CTC1: variants seen among roughly 807,000 people sequenced by gnomAD.
CTC1 encodes the protein CST telomere replication complex component 1.
Under a neutral mutation model 136.3 loss-of-function variants are expected in CTC1, and 91 were observed. The ratio of observed to expected loss-of-function variants is 0.67; its 90% CI spans 0.56 to 0.79. The LOEUF (loss-of-function observed/expected upper bound fraction) is 0.79. Ranked by LOEUF, CTC1 falls within the 30% of genes least tolerant of loss-of-function variation. The pLI, the probability that CTC1 is intolerant of heterozygous loss-of-function variation, is 0.00. For synonymous variants in CTC1, 606 were observed against 613.8 expected, an observed-to-expected ratio of 0.99 and a Z score of 0.19; for missense variants, 1,432 against 1,498.1, an observed-to-expected ratio of 0.96 and a Z score of 0.73.
rs780572571 is a variant in CTC1, at chr17:8,229,906, G to A, written c.2996C>T (p.Pro999Leu). Residue 999 changes from proline (P) to leucine (L), a missense_variant, in exon 18 of 23, where the codon CCT becomes CTT. Pro to Leu is a moderately conservative substitution (Grantham distance 98). Coordinates refer to ENST00000651323, the MANE Select transcript of CTC1 (RefSeq NM_025099.6). ...GGGCACTGACCTGATGGTGGTCTCA[G>A]GGGGAAAACTCAGGACCTGCACATA... is the stretch of plus-strand genomic sequence containing the variant. ...STYVQVLSFP[P>L]ETTISIPLPH... is the part of the protein sequence containing the mutation. 2.5e-6 allele frequency: 4 copies of A among 1,613,980 alleles called. No homozygotes were observed. Among genetic ancestry groups the A allele is most frequent in the Non-Finnish European group, 3.4e-6 (4 of 1,179,892 alleles).
chr17:8,244,529 C>CT (rs553787024), intron 1 of CTC1, among the ~76,000 whole-genome samples: 641 of 145,498 alleles, frequency 4.4e-3, no homozygotes, highest in African/African-American at 0.011. Context: ...TCACATTCCT[C>CT]TTTTTTTTTT....
In CTC1 at chr17:8,237,380, C is replaced by G. The variant is rs1010062693; in HGVS notation, c.787G>C (p.Val263Leu). Residue 263 changes from valine to leucine, a missense_variant, in exon 5 of 23, where the codon GTG becomes CTG. Transcript: ENST00000651323. Reference sequence around the variant, plus strand: ...GAAATGACCCCAGTCCTCACCTGCACGATGATGGACACGTGGGTGACAGCT... The same window carrying G: ...GAAATGACCCCAGTCCTCACCTGCAGGATGATGGACACGTGGGTGACAGCT... ...HPAVTHVSII[V>L]QVPAQLVWHR... 3 of 1,614,046 alleles carry G rather than the reference C, an allele frequency of 1.9e-6. No homozygotes were observed. The highest frequency in any genetic ancestry group is 2.5e-6 in the Non-Finnish European group (3 of 1,180,008).
At position 8,236,109 on chromosome 17, in the gene CTC1, G is replaced by C. The variant is rs776408496; in HGVS notation, c.1026C>G (p.Asp342Glu). 30 of 1,614,060 alleles carry C rather than the reference G, an allele frequency of 1.9e-5. No homozygotes were observed. The African/African-American group carries it at 3.9e-4, about 21-fold the overall frequency. Residue 342 changes from aspartate to glutamate, a missense_variant, in exon 6 of 23, where the codon GAC becomes GAG. Physicochemically the swap from Asp to Glu is conservative, Grantham distance 45 (BLOSUM62 2). Coordinates refer to ENST00000651323, the MANE Select transcript of CTC1 (RefSeq NM_025099.6). ...GGACAAGACTTTCTGGATCCTTCTT[G>C]TCCTCCGAGTTGCTGGGCATGGGGA... ...KPLPMPSNSE[D>E]KKDPESLVRY...
At chr17:8,235,538 C>T (rs556561790) in intron 7 of CTC1, among the ~76,000 whole-genome samples, 6 of 152,210 alleles carry the variant, frequency 3.9e-5, no homozygotes, top group Admixed American at 1.3e-4. Flanking sequence ...GGCTTCTCAC[C>T]GGGTCGCCTG....
Position 8,236,260 on chromosome 17 carries a change from CG to C in CTC1, c.874del (p.Arg292ValfsTer9). On this transcript the variant is annotated frameshift_variant, in exon 6 of 23. Transcript: ENST00000651323. LOFTEE classifies it high-confidence loss of function. Reference protein sequence around the residue: ...VLTELRVSKIRGQRQHVWMTS... With the variant: ...VLTELRVSKIXGQRQHVWMTS... ...CATCCAAACATGCTGGCGCTGACCA[CG>C]GATCTTGGACACTCGCAGTTCTGTC... The C allele has an allele frequency of 6.2e-7, 1 of 1,614,082 alleles. No individual in the cohort carries two copies.
Position 8,226,195 on chromosome 17 carries a change from G to A in CTC1, c.*1985C>T, listed in dbSNP as rs1267050869. The A allele has an allele frequency of 6.6e-6, 1 of 152,214 alleles. No individual in the cohort carries two copies. Among genetic ancestry groups the A allele is most frequent in the African/African-American group, 2.4e-5 (1 of 41,432 alleles). The allele number at this position is 152,214 out of a possible 1,614,324, so 9.4% of individuals were successfully genotyped here. ...ATATAAAAACAATACATGAAAGGATGTGGATTTAGCCGCAAAATCACGCTG... is the reference window on the plus strand; with the variant it reads ...ATATAAAAACAATACATGAAAGGATATGGATTTAGCCGCAAAATCACGCTG... On this transcript the variant is annotated 3_prime_UTR_variant, in exon 23 of 23. Coordinates refer to ENST00000651323, the MANE Select transcript of CTC1 (RefSeq NM_025099.6).
At position 8,237,531 on chromosome 17, in the gene CTC1, G is replaced by T; in HGVS notation, c.648-12C>A. 1 of 1,613,538 alleles carries T rather than the reference G, an allele frequency of 6.2e-7. No homozygotes were observed. Reference sequence around the variant, plus strand: ...CTCTGAGCTTGTTTCTAAGAAGGAAGAAAAAGCCCTGTAATCCCAGCTACT... The same window carrying T: ...CTCTGAGCTTGTTTCTAAGAAGGAATAAAAAGCCCTGTAATCCCAGCTACT... On this transcript the variant is annotated splice_polypyrimidine_tract_variant and intron_variant, in intron 4 of 22. Coordinates refer to ENST00000651323, the MANE Select transcript of CTC1 (RefSeq NM_025099.6).
chr17:8,237,717 CTTTA>C (rs1431861449), intron 4 of CTC1, among the ~76,000 whole-genome samples, 198 bp from the exon 5 acceptor site: 1 of 125,644 alleles, frequency 8.0e-6, no homozygotes, highest in African/African-American at 2.9e-5. Context: ...CAGCAGTCAT[CTTTA>C]TTTCTCTTCT....
rs1302748336 is a variant in CTC1, at chr17:8,234,769, G to C, written c.1597C>G (p.His533Asp). Residue 533 changes from histidine to aspartate, a missense_variant, in exon 9 of 23, where the codon CAT becomes GAT. Physicochemically the swap from His to Asp is moderately conservative, Grantham distance 81 (BLOSUM62 -1). Transcript: ENST00000651323. ...NAHNEILEEP[H>D]HCPLQKYTRL... The stretch of plus-strand genomic sequence containing the variant: ...CATACTTTCTGGAGGGGACAGTGAT[G>C]TGGCTCTTCAAGGATCTCATTGTGT... The C allele has an allele frequency of 1.3e-6, 2 of 1,599,934 alleles. No individual in the cohort carries two copies. The highest frequency in any genetic ancestry group is 1.7e-6 in the Non-Finnish European group (2 of 1,172,166).
intron 16 of CTC1, 36 bp from the exon 17 acceptor site, chr17:8,230,504 A>C (rs1013861114): frequency 6.2e-7 from 1 of 1,613,484 alleles, no homozygotes; most frequent in Non-Finnish European, 8.5e-7. Flanking sequence ...AGGATCTGTG[A>C]AGTCCACAAA....
chr17:8,236,729 T>A (rs1987761152), intron 5 of CTC1, among the ~76,000 whole-genome samples: 3 of 152,230 alleles, frequency 2.0e-5, no homozygotes, highest in Non-Finnish European at 2.9e-5. Flanking sequence ...TGTTCTTCTC[T>A]AACACAGTAA....
Position 8,240,629 on chromosome 17 carries a change from C to A in CTC1, c.198-2000G>T, listed in dbSNP as rs376800228. 2.0e-5 allele frequency among the ~76,000 whole-genome samples: 3 copies of A among 152,158 alleles called. No homozygotes were observed. In the East Asian group the frequency reaches 5.8e-4, roughly 29 times the overall value. On this transcript the variant is annotated intron_variant, in intron 2 of 22. Coordinates refer to ENST00000651323, the MANE Select transcript of CTC1 (RefSeq NM_025099.6). ...GCGCAGTGGCTCATGCCTGTAATCCCAGCACTTTGGGAGGCCGAGGCGGGA... is the reference window on the plus strand; with the variant it reads ...GCGCAGTGGCTCATGCCTGTAATCCAAGCACTTTGGGAGGCCGAGGCGGGA...
rs1987549372 is a variant in CTC1 at position 8,234,737 on chromosome 17, A to C, written c.1617+12T>G. On this transcript the variant is annotated intron_variant, in intron 9 of 22. Coordinates refer to ENST00000651323, the MANE Select transcript of CTC1 (RefSeq NM_025099.6). The stretch of plus-strand genomic sequence containing the variant: ...AGTGTTCTGCCACCATCCTTCCCCC[A>C]CATCCTCATACTTTCTGGAGGGGAC... The C allele has an allele frequency of 1.3e-6, 2 of 1,581,490 alleles. No individual in the cohort carries two copies. Among genetic ancestry groups the C allele is most frequent in the African/African-American group, 2.7e-5 (2 of 74,112 alleles).
chr17:8,229,113 C>T, intron 20 of CTC1, 29 bp downstream of exon 20: 1 of 1,609,196 alleles, frequency 6.2e-7, no homozygotes, highest in Non-Finnish European at 8.5e-7. Context: ...AAGTAAATGG[C>T]ACAATGGGTG....
chr17:8,241,849 C>CAAAAA lies in CTC1; in HGVS notation c.197+1131_197+1135dup, dbSNP rs59476896. Among the ~76,000 whole-genome samples, 3 of 96,320 alleles carry CAAAAA rather than the reference C, an allele frequency of 3.1e-5. 1 individual carries two copies. Among genetic ancestry groups the CAAAAA allele is most frequent in the Non-Finnish European group, 5.8e-5 (3 of 52,080 alleles). 63.2% of individuals were successfully genotyped at this position (96,320 alleles called of 152,430 possible). A position where few individuals can be genotyped will look rare whatever the true frequency, so the allele number is the denominator to read the frequency against. The stretch of plus-strand genomic sequence containing the variant: ...TGGGGGACAGAGTGAGACCCTGTCT[C>CAAAAA]AAAAAAAAAAAAAAAAAAAGCAAAT... On this transcript the variant is annotated intron_variant, in intron 2 of 22. Transcript: ENST00000651323.
chr17:8,226,344 A>G lies in CTC1; in HGVS notation c.*1836T>C, dbSNP rs887678388. ...TAAAGGTTCCTGAAATTCATCTACAAGAATATAGAGCTAGGAACCCGGACC... is the reference window on the plus strand; with the variant it reads ...TAAAGGTTCCTGAAATTCATCTACAGGAATATAGAGCTAGGAACCCGGACC... On this transcript the variant is annotated 3_prime_UTR_variant, in exon 23 of 23. Transcript: ENST00000651323. The G allele has an allele frequency of 2.0e-4, 31 of 152,168 alleles. No homozygotes were observed. Among genetic ancestry groups the G allele is most frequent in the African/African-American group, 6.8e-4 (28 of 41,434 alleles). 9.4% of individuals were successfully genotyped at this position (152,168 alleles called of 1,614,324 possible).
At position 8,229,311 on chromosome 17, in the gene CTC1, G is replaced by A. The variant is rs1415071945; in HGVS notation, c.3147C>T (p.Ile1049=). Residue 1049 remains isoleucine (I), a synonymous_variant, in exon 19 of 23, where the codon ATC becomes ATT. Transcript: ENST00000651323. ...LFWVCAYCTS[I]CRQGKCTRLG... ...TCCTTCCCTCCCTTACCTGCCGGCA[G>A]ATGCTGGTACAATAAGCACACACCC... 3 of 1,614,230 alleles carry A rather than the reference G, an allele frequency of 1.9e-6. No homozygotes were observed. The highest frequency in any genetic ancestry group is 1.1e-5 in the South Asian group (1 of 91,088).
chr17:8,232,704 G>A (rs1658234056), intron 11 of CTC1: 3 of 730,598 alleles, frequency 4.1e-6, no homozygotes, highest in Non-Finnish European at 7.0e-6. Flanking sequence ...AGCTACGGTG[G>A]AGAAATGCAT....
At chr17:8,235,566 G>T (rs763768690) in intron 7 of CTC1, among the ~76,000 whole-genome samples, 2 of 152,098 alleles carry the variant, frequency 1.3e-5, no homozygotes, top group Non-Finnish European at 2.9e-5. Flanking sequence ...CCCAGCCCCA[G>T]ATCTGTGCTT....
Sources: gnomAD v4.1 joint callset for allele counts (sites outside exome capture counted in the v4.1 genomes callset) on GRCh38, gnomAD v4.1.1 for gene constraint, MANE v1.5 for transcripts, NCBI Gene and HGNC (gene_info 2026-07-23, HGNC 2026-07-21) for gene names.